Variants in NRXN1 observed in about 807,000 individuals in gnomAD.
NRXN1 encodes the protein neurexin 1.
In NRXN1, 39 loss-of-function variants were observed where a neutral mutation model predicts 150.9. That is an observed-to-expected ratio of 0.26 (90% confidence interval 0.20 to 0.34). The LOEUF (loss-of-function observed/expected upper bound fraction) is 0.34. Among genes scored for constraint, NRXN1 ranks in the 10% least tolerant of loss-of-function variants. The pLI, the probability that NRXN1 is intolerant of heterozygous loss-of-function variation, is 1.00. For synonymous variants in NRXN1, 924 were observed against 757.0 expected (o/e 1.22, Z -3.62); for missense variants, 1,815 against 1,949.9 (o/e 0.93, Z 1.30).
chr2:50,752,928 A>T (rs979141895), intron 5 of NRXN1, among the ~76,000 whole-genome samples: 1 of 151,952 alleles, frequency 6.6e-6, no homozygotes, highest in African/African-American at 2.4e-5. Flanking sequence ...AAGCAATGTA[A>T]TAGTTGATAA....
chr2:50,917,963 A>G (rs1475408980), intron 5 of NRXN1: 1 of 151,750 alleles, frequency 6.6e-6, no homozygotes, highest in East Asian at 1.9e-4. Flanking sequence ...GTATGACAGT[A>G]TAGATAAAAA....
intron 21 of NRXN1, among the ~76,000 whole-genome samples, chr2:50,024,624 T>G (rs920248786): frequency 6.6e-6 from 1 of 152,110 alleles, no homozygotes; most frequent in South Asian, 2.1e-4. Flanking sequence ...GTAATTCTTT[T>G]TTTTTTTGGA....
chr2:49,974,779 A>G (rs1405309700), intron 21 of NRXN1, among the ~76,000 whole-genome samples: 1 of 150,684 alleles, frequency 6.6e-6, no homozygotes, highest in Non-Finnish European at 1.5e-5. Context: ...GCCAATTACA[A>G]CTGTTGCTCT....
chr2:50,407,066 T>C (rs1351169000), intron 17 of NRXN1, among the ~76,000 whole-genome samples: 2 of 152,144 alleles, frequency 1.3e-5, no homozygotes, highest in Admixed American at 1.3e-4. Context: ...GATAAACTTA[T>C]TGATAGTAGT....
At chr2:50,271,102 T>G (rs892909506) in intron 17 of NRXN1, among the ~76,000 whole-genome samples, 3 of 152,164 alleles carry the variant, frequency 2.0e-5, no homozygotes, top group African/African-American at 7.2e-5. Context: ...GTGTTACTCA[T>G]AAGTAATATA....
intron 5 of NRXN1, among the ~76,000 whole-genome samples, chr2:50,658,906 AC>A (rs997950565): frequency 1.3e-5 from 2 of 152,028 alleles, no homozygotes; most frequent in African/African-American, 4.8e-5. Context: ...ACATCACAGT[AC>A]AGCACTGAAA....
chr2:50,098,854 T>G (rs1290944398), intron 18 of NRXN1, among the ~76,000 whole-genome samples: 349 of 28,930 alleles, frequency 0.012, 18 homozygotes, highest in African/African-American at 0.044. Context: ...TTTTTTTTTT[T>G]TTTTTTTTTT....
intron 17 of NRXN1, among the ~76,000 whole-genome samples, chr2:50,274,988 A>G (rs1219574873): frequency 6.6e-6 from 1 of 152,184 alleles, no homozygotes; most frequent in Admixed American, 6.5e-5. Flanking sequence ...AAGACTTCAT[A>G]TGTTTTGAAT....
chr2:50,457,777 A>G (rs1039358252), intron 17 of NRXN1, among the ~76,000 whole-genome samples: 12 of 152,098 alleles, frequency 7.9e-5, no homozygotes, highest in African/African-American at 2.7e-4. Flanking sequence ...CAAAATCACA[A>G]TGAGATAGCA....
intron 5 of NRXN1, among the ~76,000 whole-genome samples, chr2:50,821,169 C>T (rs1016447002): frequency 6.6e-6 from 1 of 152,154 alleles, no homozygotes; most frequent in Non-Finnish European, 1.5e-5. Context: ...TCCAGCCAGA[C>T]TTGGTTTAAT....
intron 15 of NRXN1, among the ~76,000 whole-genome samples, chr2:50,477,988 A>G (rs1304198574): frequency 6.6e-6 from 1 of 152,158 alleles, no homozygotes; most frequent in African/African-American, 2.4e-5. Context: ...ATTCTATGGG[A>G]AGGGTGCCTT....
chr2:50,558,938 C>A (rs543728904), intron 8 of NRXN1, among the ~76,000 whole-genome samples: 1 of 151,866 alleles, frequency 6.6e-6, no homozygotes, highest in Non-Finnish European at 1.5e-5. Context: ...GAAAATTAGC[C>A]GGGTGTGGTG....
chr2:50,557,110 G>T (rs1462149585), intron 8 of NRXN1, among the ~76,000 whole-genome samples: 1 of 152,160 alleles, frequency 6.6e-6, no homozygotes, highest in Non-Finnish European at 1.5e-5. Flanking sequence ...ATGCCTCGAG[G>T]ATTATATCTA....
chr2:50,680,502 A>T (rs1200078592), intron 5 of NRXN1, among the ~76,000 whole-genome samples: 1 of 152,196 alleles, frequency 6.6e-6, no homozygotes, highest in African/African-American at 2.4e-5. Context: ...CAACATTGTT[A>T]TAATGTTGAT....
At chr2:50,273,329 G>T (rs2069962190) in intron 17 of NRXN1, among the ~76,000 whole-genome samples, 1 of 152,050 alleles carries the variant, frequency 6.6e-6, no homozygotes, top group African/African-American at 2.4e-5. Flanking sequence ...GTTTAATTAG[G>T]CCAAGCCTGC....
intron 2 of NRXN1, among the ~76,000 whole-genome samples, chr2:50,985,630 G>T (rs149432310): frequency 6.6e-6 from 1 of 151,704 alleles, no homozygotes; most frequent in East Asian, 1.9e-4. Context: ...CAAGGAAGAA[G>T]ATAATGGAGA....
intron 8 of NRXN1, among the ~76,000 whole-genome samples, chr2:50,604,581 A>G (rs1450140062): frequency 6.6e-6 from 1 of 152,092 alleles, no homozygotes; most frequent in Non-Finnish European, 1.5e-5. Context: ...CCTTTTCTCC[A>G]ACTTTTCCTG....
Position 50,731,568 on chromosome 2 carries a change from C to T in NRXN1, c.833-107953G>A, listed in dbSNP as rs369966712. On this transcript the variant is annotated intron_variant, in intron 5 of 22. Transcript: ENST00000401669. Reference sequence around the variant, plus strand: ...AAGCACCAATGATCTAGAATGGTGGCTGGTGGTTCTCAAGGTATAGTTAAG... The same window carrying T: ...AAGCACCAATGATCTAGAATGGTGGTTGGTGGTTCTCAAGGTATAGTTAAG... Among the ~76,000 whole-genome samples the T allele has an allele frequency of 5.9e-5, 9 of 152,142 alleles. No individual in the cohort carries two copies. In the East Asian group the frequency reaches 1.7e-3, roughly 29 times the overall value.
At chr2:50,267,786 T>C (rs1434142217) in intron 17 of NRXN1, among the ~76,000 whole-genome samples, 1 of 152,192 alleles carries the variant, frequency 6.6e-6, no homozygotes, top group African/African-American at 2.4e-5. Context: ...AAAAGCACTT[T>C]ATGATTTTCA....
Sources: gnomAD v4.1 joint callset for allele counts (sites outside exome capture counted in the v4.1 genomes callset) on GRCh38, gnomAD v4.1.1 for gene constraint, MANE v1.5 for transcripts, NCBI Gene and HGNC (gene_info 2026-07-23, HGNC 2026-07-21) for gene names.